Variants in UBE2J2 observed in about 807,000 individuals in gnomAD.
UBE2J2 encodes the protein ubiquitin-conjugating enzyme E2 J2.
UBE2J2 carries 5 observed loss-of-function variants against 28.6 expected under a neutral mutation model. The observed-to-expected ratio is 0.17, with a 90% CI of 0.09 to 0.37. UBE2J2 has a LOEUF of 0.37. UBE2J2 is among the 10% of genes least tolerant of loss of function. The probability of loss-of-function intolerance (pLI) is 1.00; values close to 1 mark genes in which losing one functional copy is unlikely to be tolerated. For missense variants in UBE2J2, 226 were observed against 338.9 expected (o/e 0.67, Z 2.62); for synonymous variants, 138 against 139.7 (o/e 0.99, Z 0.09).
At chr1:1,256,303 C>A in intron 5 of UBE2J2, 178 bp from the exon 6 acceptor site, 1 of 551,260 alleles carries the variant, frequency 1.8e-6, no homozygotes, top group Non-Finnish European at 3.2e-6. Flanking sequence ...ATCTTCCCCC[C>A]ATCAATTCAT....
chr1:1,268,779 G>A lies in UBE2J2; in HGVS notation c.1-787C>T, dbSNP rs915864187. ...TGTGGCCTTGACCACCTCGGCTCAA[G>A]CAATCCTCCCACCTCAGCCTCCTGA... On this transcript the variant is annotated intron_variant, in intron 1 of 6. Transcript: ENST00000349431. The surrounding 1 kb of genome is among the most constrained non-coding windows in gnomAD (Gnocchi z 4.7). Among the ~76,000 whole-genome samples the A allele has an allele frequency of 7.9e-5, 12 of 152,160 alleles. No individual in the cohort carries two copies. Among genetic ancestry groups the A allele is most frequent in the Non-Finnish European group, 2.9e-5 (2 of 68,026 alleles).
At chr1:1,258,885 C>A (rs888111568) in intron 3 of UBE2J2, among the ~76,000 whole-genome samples, 1 of 152,270 alleles carries the variant, frequency 6.6e-6, no homozygotes, top group Non-Finnish European at 1.5e-5. Flanking sequence ...GCTGCCCAGG[C>A]TGCACCTGGA....
intron 2 of UBE2J2, among the ~76,000 whole-genome samples, chr1:1,265,048 G>A (rs768847175): frequency 1.1e-4 from 16 of 152,168 alleles, no homozygotes; most frequent in South Asian, 2.1e-4. Flanking sequence ...CTCAGCACGC[G>A]ATGCACCCAG....
intron 2 of UBE2J2, among the ~76,000 whole-genome samples, chr1:1,264,146 A>G (rs971700199): frequency 7.9e-5 from 12 of 152,182 alleles, no homozygotes; most frequent in East Asian, 5.8e-4. Context: ...TGGAAAAACC[A>G]TAAGTGACTT....
intron 3 of UBE2J2, among the ~76,000 whole-genome samples, chr1:1,257,762 C>A (rs940237584): frequency 2.6e-5 from 4 of 151,988 alleles, no homozygotes; most frequent in African/African-American, 9.7e-5. Flanking sequence ...CCAGACCCAG[C>A]GACTCTCCAG....
Position 1,273,684 on chromosome 1 carries a change from G to C in UBE2J2, c.-19C>G, listed in dbSNP as rs1265609128. 1 of 152,468 alleles carries C rather than the reference G, an allele frequency of 6.6e-6. No individual in the cohort carries two copies. The highest frequency in any genetic ancestry group is 1.9e-4 in the East Asian group (1 of 5,188). The allele number at this position is 152,468 out of a possible 1,614,324, so 9.4% of individuals were successfully genotyped here. A position where few individuals can be genotyped will look rare whatever the true frequency, so the allele number is the denominator to read the frequency against. ...CGCTCACCTCTCCCTGTCGCTGCGC[G>C]TGGGCCGCCGCCGCGCTCAGGCTCG... is the stretch of plus-strand genomic sequence containing the variant. On this transcript the variant is annotated 5_prime_UTR_variant, in exon 1 of 7. Coordinates refer to ENST00000349431, the MANE Select transcript of UBE2J2 (RefSeq NM_058167.3).
At chr1:1,263,166 G>A (rs1326780967) in intron 3 of UBE2J2, 180 bp downstream of exon 3, 1 of 632,496 alleles carries the variant, frequency 1.6e-6, no homozygotes, top group African/African-American at 2.0e-5. Context: ...CACATCAGCA[G>A]AGCAAACACT....
chr1:1,263,831 TA>T (rs78118405), intron 2 of UBE2J2, among the ~76,000 whole-genome samples: 71 of 147,008 alleles, frequency 4.8e-4, no homozygotes, highest in Admixed American at 4.7e-4. Context: ...CACCTTTATT[TA>T]AAAAAAAAAA....
At chr1:1,256,964 C>G (rs758771943) in intron 5 of UBE2J2, 28 bp downstream of exon 5, 1 of 1,458,292 alleles carries the variant, frequency 6.9e-7, no homozygotes, top group Admixed American at 2.5e-5. Context: ...AGGCTGACGG[C>G]CCACCAGGGA....
rs1396598440 is a variant in UBE2J2 at position 1,268,491 on chromosome 1, G to A, written c.1-499C>T. On this transcript the variant is annotated intron_variant, in intron 1 of 6. Coordinates refer to ENST00000349431, the MANE Select transcript of UBE2J2 (RefSeq NM_058167.3). This position sits in a 1 kb window ranked among gnomAD's most constrained non-coding sequence, Gnocchi z 4.7. ...ATTTACCACTAGCCACAAGCAAAAC[G>A]AGCCGCAGAACGGGGGAGCCTCTGC... Among the ~76,000 whole-genome samples the A allele has an allele frequency of 6.6e-6, 1 of 152,150 alleles. No individual in the cohort carries two copies. The highest frequency in any genetic ancestry group is 2.4e-5 in the African/African-American group (1 of 41,428).
intron 3 of UBE2J2, chr1:1,262,194 A>C: frequency 2.6e-6 from 1 of 384,848 alleles, no homozygotes; most frequent in South Asian, 1.9e-5. Context: ...TCTTCAGATC[A>C]GCTGAAGGCA....
At position 1,256,029 on chromosome 1, in the gene UBE2J2, C is replaced by G. The variant is rs368961176; in HGVS notation, c.495+16G>C. The stretch of plus-strand genomic sequence containing the variant: ...TTAACGCAGGGGAAGGCGAAACCCA[C>G]TTCCGTCTTTCTTACCTCCACGACT... On this transcript the variant is annotated intron_variant, in intron 6 of 6. Transcript: ENST00000349431. 8.2e-6 allele frequency: 13 copies of G among 1,585,094 alleles called. No individual in the cohort carries two copies. The African/African-American group carries it at 1.5e-4, about 18-fold the overall frequency.
intron 3 of UBE2J2, among the ~76,000 whole-genome samples, chr1:1,259,961 G>C (rs999487906): frequency 6.6e-6 from 1 of 152,208 alleles, no homozygotes; most frequent in Non-Finnish European, 1.5e-5. Context: ...TTTCCCTCGT[G>C]TCTCTCTCTT....
chr1:1,265,164 G>A (rs1351911369), intron 2 of UBE2J2, among the ~76,000 whole-genome samples: 1 of 152,196 alleles, frequency 6.6e-6, no homozygotes, highest in African/African-American at 2.4e-5. Flanking sequence ...GGGCGGCTGA[G>A]AGAAGATGGG....
chr1:1,264,143 A>T (rs1025904178), intron 2 of UBE2J2, among the ~76,000 whole-genome samples: 1 of 152,072 alleles, frequency 6.6e-6, no homozygotes, highest in African/African-American at 2.4e-5. Context: ...TCCTGGAAAA[A>T]CCATAAGTGA....
At chr1:1,260,719 A>G (rs1029182694) in intron 3 of UBE2J2, among the ~76,000 whole-genome samples, 2 of 152,242 alleles carry the variant, frequency 1.3e-5, no homozygotes, top group African/African-American at 4.8e-5. Flanking sequence ...ACTCTGCCCC[A>G]TGGCCTGTCC....
intron 3 of UBE2J2, among the ~76,000 whole-genome samples, chr1:1,261,183 G>A (rs1382818803): frequency 6.6e-6 from 1 of 152,236 alleles, no homozygotes; most frequent in Non-Finnish European, 1.5e-5. Context: ...GGAGAGCAGA[G>A]GGCAGGGCTG....
chr1:1,261,018 G>A (rs753912777), intron 3 of UBE2J2, among the ~76,000 whole-genome samples: 12 of 152,210 alleles, frequency 7.9e-5, no homozygotes, highest in Admixed American at 3.9e-4. Context: ...CGGAGGGGAC[G>A]CAGCTAATGC....
chr1:1,255,138 CCTGCCGAGGTCA>C lies in UBE2J2; in HGVS notation c.*53_*64del. 2 of 1,480,158 alleles carry C rather than the reference CCTGCCGAGGTCA, an allele frequency of 1.4e-6. No homozygotes were observed. The highest frequency in any genetic ancestry group is 2.2e-5 in the Admixed American group (1 of 44,540). 91.7% of individuals were successfully genotyped at this position (1,480,158 alleles called of 1,614,324 possible). On this transcript the variant is annotated 3_prime_UTR_variant, in exon 7 of 7. Coordinates refer to ENST00000349431, the MANE Select transcript of UBE2J2 (RefSeq NM_058167.3). ...TGCCTGTGCTGGGCAGTGTGTCCAG[CCTGCCGAGGTCA>C]CGCTCTGGTGCGCGGTGCCCTCAGT...
Sources: allele counts gnomAD v4.1 joint callset (sites outside exome capture counted in the v4.1 genomes callset), GRCh38; gene constraint gnomAD v4.1.1; non-coding constraint Gnocchi (gnomAD v3.1); transcripts MANE v1.5; gene names NCBI Gene and HGNC (gene_info 2026-07-23, HGNC 2026-07-21).